ATRIP: variants seen among roughly 807,000 people sequenced by gnomAD.
ATRIP encodes the protein ATR interacting protein, also known as ATR-interacting protein.
ATRIP carries 44 observed loss-of-function variants against 78.1 expected under a neutral mutation model. The observed-to-expected ratio is 0.56, with a 90% CI of 0.44 to 0.72. The LOEUF (loss-of-function observed/expected upper bound fraction) is 0.72, where lower values mean the gene tolerates loss of function less well. Among genes scored for constraint, ATRIP ranks in the 30% least tolerant of loss-of-function variants. The pLI is 0.00. For missense variants in ATRIP, 927 were observed against 980.2 expected (o/e 0.95, Z 0.72); for synonymous variants, 388 against 408.9 (o/e 0.95, Z 0.62).
chr3:48,464,207 G>A (rs1033774262), intron 10 of ATRIP, 75 bp downstream of exon 10: 150 of 1,296,420 alleles, frequency 1.2e-4, no homozygotes, highest in African/African-American at 1.5e-4. Context: ...CTTTCTTTCC[G>A]CTGAGGAGAA....
At chr3:48,463,958 G>T in intron 9 of ATRIP, 77 bp downstream of exon 9, 4 of 1,605,460 alleles carry the variant, frequency 2.5e-6, no homozygotes, top group Non-Finnish European at 2.6e-6. Flanking sequence ...AGGGTCAAGG[G>T]CCTCAGAGGG....
intron 6 of ATRIP, 125 bp from the exon 7 acceptor site, chr3:48,459,662 T>C: frequency 7.4e-7 from 1 of 1,355,444 alleles, no homozygotes; most frequent in East Asian, 2.3e-5. Flanking sequence ...CACAGGCATC[T>C]TCCTGGGGCT....
chr3:48,465,726 G>A lies in ATRIP; in HGVS notation c.*172G>A. ...GTGGAGCAGGACCCGGACCCTGAGT[G>A]GCTGGGATCCTTCTTCCTGTCCCTG... On this transcript the variant is annotated 3_prime_UTR_variant, in exon 13 of 13. Transcript: ENST00000320211. 6 of 621,092 alleles carry A rather than the reference G, an allele frequency of 9.7e-6. No individual in the cohort carries two copies. Among genetic ancestry groups the A allele is most frequent in the Non-Finnish European group, 1.1e-5 (4 of 358,670 alleles). 38.5% of individuals were successfully genotyped at this position (621,092 alleles called of 1,614,324 possible). A position where few individuals can be genotyped will look rare whatever the true frequency, so the allele number is the denominator to read the frequency against.
intron 3 of ATRIP, among the ~76,000 whole-genome samples, chr3:48,452,653 C>G (rs1435131302): frequency 6.6e-6 from 1 of 151,974 alleles, no homozygotes; most frequent in Non-Finnish European, 1.5e-5. Context: ...CATGATCATG[C>G]CATTGTACTC....
At chr3:48,452,814 C>G (rs1253751033) in intron 3 of ATRIP, among the ~76,000 whole-genome samples, 2 of 148,710 alleles carry the variant, frequency 1.3e-5, no homozygotes, top group Non-Finnish European at 3.0e-5. Flanking sequence ...CAACCAAAAG[C>G]AAAAAAATGA....
At position 48,446,743 on chromosome 3, in the gene ATRIP, G is replaced by C; in HGVS notation, c.-103G>C. 7.7e-7 allele frequency: 1 copy of C among 1,304,284 alleles called. No homozygotes were observed. The allele number at this position is 1,304,284 out of a possible 1,614,324, so 80.8% of individuals were successfully genotyped here. A position where few individuals can be genotyped will look rare whatever the true frequency, so the allele number is the denominator to read the frequency against. On this transcript the variant is annotated 5_prime_UTR_variant, in exon 1 of 13. Transcript: ENST00000320211. ...CCTGGGCCAGGGGCGGGGCACTCGCGGCGGAGGCAAGCGGCGGCGCGCGGA... is the reference window on the plus strand; with the variant it reads ...CCTGGGCCAGGGGCGGGGCACTCGCCGCGGAGGCAAGCGGCGGCGCGCGGA...
Position 48,466,597 on chromosome 3 carries a change from G to T in ATRIP, c.*1043G>T. The T allele has an allele frequency of 1.2e-6, 2 of 1,613,946 alleles. No homozygotes were observed. Among genetic ancestry groups the T allele is most frequent in the Non-Finnish European group, 1.7e-6 (2 of 1,179,986 alleles). On this transcript the variant is annotated 3_prime_UTR_variant, in exon 13 of 13. Coordinates refer to ENST00000320211, the MANE Select transcript of ATRIP (RefSeq NM_130384.3). Reference sequence around the variant, plus strand: ...CCTCCCCTTCGGATCTTAACACTGGGCACTCACACACCCACCCCATGCTCC... The same window carrying T: ...CCTCCCCTTCGGATCTTAACACTGGTCACTCACACACCCACCCCATGCTCC...
chr3:48,459,308 A>G (rs182924134), intron 5 of ATRIP, 51 bp from the exon 6 acceptor site: 2 of 1,461,062 alleles, frequency 1.4e-6, no homozygotes, highest in East Asian at 2.3e-5. Flanking sequence ...AGTTTCTAAT[A>G]TGCCCATGCT....
rs1274139923 is a variant in ATRIP, at chr3:48,463,826, C to G, written c.1827C>G (p.Leu609=). ...CTAGCGTGCTGCTGGCTGTTGAGCT[C>G]CTCTCCCTGCTGGCGGACCACGACC... ...PLPSVLLAVE[L]LSLLADHDQL... is the part of the protein sequence containing the mutation. Residue 609 remains leucine (L), a synonymous_variant, in exon 9 of 13, where the codon CTC becomes CTG. Coordinates refer to ENST00000320211, the MANE Select transcript of ATRIP (RefSeq NM_130384.3). 48 of 1,614,038 alleles carry G rather than the reference C, an allele frequency of 3.0e-5. No homozygotes were observed. Among genetic ancestry groups the G allele is most frequent in the Non-Finnish European group, 3.6e-5 (43 of 1,180,044 alleles).
chr3:48,447,525 A>C (rs759899186), intron 1 of ATRIP: 2 of 988,886 alleles, frequency 2.0e-6, no homozygotes, highest in Non-Finnish European at 2.4e-6. Context: ...AGACACAGGC[A>C]AGAGATGAAA....
In ATRIP at chr3:48,460,781, C is replaced by T; in HGVS notation, c.1727C>T (p.Ser576Phe). The change falls in exon 8 of 13, where the codon TCC becomes TTC. Residue 576 changes from serine to phenylalanine, a missense_variant. Physicochemically the swap from Ser to Phe is radical, Grantham distance 155. Coordinates refer to ENST00000320211, the MANE Select transcript of ATRIP (RefSeq NM_130384.3). The part of the protein sequence containing the change: ...KVLVKLAENT[S>F]CDFLPRFQCV... ...TTGGTGAAATTAGCCGAAAACACTT[C>T]CTGTGATTTCTTGCCCAGGTATTAA... The T allele has an allele frequency of 6.3e-7, 1 of 1,598,684 alleles. No homozygotes were observed.
intron 3 of ATRIP, among the ~76,000 whole-genome samples, chr3:48,452,608 T>C (rs138253538): frequency 0.012 from 1,816 of 152,128 alleles, 15 homozygotes; most frequent in East Asian, 0.017. Context: ...GGTGGGAGAA[T>C]TGCTTGAGCC....
chr3:48,458,190 G>T (rs1346481893), intron 5 of ATRIP, among the ~76,000 whole-genome samples: 2 of 150,994 alleles, frequency 1.3e-5, no homozygotes, highest in African/African-American at 4.9e-5. Context: ...TGATTCTCCT[G>T]CCTCAGACTC....
intron 1 of ATRIP, among the ~76,000 whole-genome samples, chr3:48,448,066 C>G (rs2107185616): frequency 6.6e-6 from 1 of 151,808 alleles, no homozygotes; most frequent in Non-Finnish European, 1.5e-5. Flanking sequence ...CATTTCCAGT[C>G]TTGACTCCCT....
In ATRIP at chr3:48,457,514, A is replaced by G. The variant is rs113342408; in HGVS notation, c.829+98A>G. The G allele has an allele frequency of 3.2e-3, 3,281 of 1,040,866 alleles. 61 individuals carry two copies. The African/African-American group carries it at 0.047, about 15-fold the overall frequency. The allele number at this position is 1,040,866 out of a possible 1,614,324, so 64.5% of individuals were successfully genotyped here. On this transcript the variant is annotated intron_variant, in intron 5 of 12. Transcript: ENST00000320211. Reference sequence around the variant, plus strand: ...TTTCTCCCAATTTCTGTGATCAGCAATTCTGACAAGGCACAGAGGGGACAA... The same window carrying G: ...TTTCTCCCAATTTCTGTGATCAGCAGTTCTGACAAGGCACAGAGGGGACAA...
intron 11 of ATRIP, 45 bp downstream of exon 11, chr3:48,464,707 G>A (rs1184536865): frequency 3.7e-6 from 6 of 1,613,596 alleles, no homozygotes; most frequent in Non-Finnish European, 5.1e-6. Context: ...GTGGTAAGGG[G>A]GCCCCGTGCA....
intron 4 of ATRIP, among the ~76,000 whole-genome samples, chr3:48,456,316 C>A (rs202074683): frequency 3.9e-5 from 6 of 151,900 alleles, no homozygotes; most frequent in Non-Finnish European, 7.4e-5. Flanking sequence ...CAGTGGCTCA[C>A]GCCTGTAATC....
rs1228442722 is a variant in ATRIP, at chr3:48,466,339, C to T, written c.*785C>T. 5.9e-6 allele frequency: 6 copies of T among 1,008,558 alleles called. No homozygotes were observed. Among genetic ancestry groups the T allele is most frequent in the South Asian group, 2.8e-5 (2 of 71,950 alleles). 62.5% of individuals were successfully genotyped at this position (1,008,558 alleles called of 1,614,324 possible). On this transcript the variant is annotated 3_prime_UTR_variant, in exon 13 of 13. Transcript: ENST00000320211. ...GTGTGGCCCCCACAATGGGATGGCG[C>T]AGGGCAGGAGGGCCATGGGTTCCCC...
intron 1 of ATRIP, among the ~76,000 whole-genome samples, chr3:48,448,617 C>G (rs1331463827): frequency 6.6e-6 from 1 of 152,276 alleles, no homozygotes; most frequent in African/African-American, 2.4e-5. Context: ...CACTAACATT[C>G]TTTGAATTCT....
Sources: gnomAD v4.1 joint callset for allele counts (sites outside exome capture counted in the v4.1 genomes callset) on GRCh38, gnomAD v4.1.1 for gene constraint, MANE v1.5 for transcripts, NCBI Gene and HGNC (gene_info 2026-07-23, HGNC 2026-07-21) for gene names.